FLT1: variants seen among roughly 807,000 people sequenced by gnomAD.
FLT1 encodes the protein fms related receptor tyrosine kinase 1, also known as vascular endothelial growth factor receptor 1.
In FLT1, 49 loss-of-function variants were observed where a neutral mutation model predicts 156.3. That is an observed-to-expected ratio of 0.31 (90% confidence interval 0.25 to 0.40). The LOEUF (loss-of-function observed/expected upper bound fraction) is 0.40. FLT1 is among the 10% of genes least tolerant of loss of function. The pLI is 1.00. For synonymous variants in FLT1, 594 were observed against 583.8 expected (o/e 1.02, Z -0.25); for missense variants, 1,322 against 1,637.2 (o/e 0.81, Z 3.32).
intron 10 of FLT1, among the ~76,000 whole-genome samples, chr13:28,425,689 C>T (rs1877295712): frequency 6.6e-6 from 1 of 152,016 alleles, no homozygotes; most frequent in South Asian, 2.1e-4. Flanking sequence ...AAAAATTCAA[C>T]TCTACACTTT....
At position 28,427,909 on chromosome 13, in the gene FLT1, C is replaced by A; in HGVS notation, c.1119G>T (p.Gly373=). The A allele has an allele frequency of 6.2e-7, 1 of 1,613,776 alleles. No homozygotes were observed. Among genetic ancestry groups the A allele is most frequent in the Non-Finnish European group, 8.5e-7 (1 of 1,179,768 alleles). Residue 373 remains glycine, a synonymous_variant, in exon 9 of 30, where the codon GGG becomes GGT. Coordinates refer to ENST00000282397, the MANE Select transcript of FLT1 (RefSeq NM_002019.4). ...GAGCAGATTTCTCAGTCGCAGGTAA[C>A]CCATCTTTTAACCTGTGGTTAAAAA... The part of the protein sequence containing the change: ...PSPEVVWLKD[G]LPATEKSARY...
chr13:28,402,235 G>T (rs1277708939), intron 11 of FLT1, among the ~76,000 whole-genome samples: 4 of 152,190 alleles, frequency 2.6e-5, no homozygotes, highest in African/African-American at 7.2e-5. Flanking sequence ...AGCATTGCTG[G>T]GCAGGCTACC....
At chr13:28,427,339 G>A (rs371321943) in intron 9 of FLT1, 21 bp from the exon 10 acceptor site, 288 of 1,612,866 alleles carry the variant, frequency 1.8e-4, no homozygotes, top group Non-Finnish European at 2.3e-4. Flanking sequence ...GATGAAGAAC[G>A]GGACAGAAGT....
chr13:28,433,710 C>T (rs772267672), intron 6 of FLT1, 109 bp downstream of exon 6: 2 of 1,038,740 alleles, frequency 1.9e-6, no homozygotes, highest in Non-Finnish European at 3.0e-6. Context: ...TTGACTAACA[C>T]TGCCACAGGA....
chr13:28,454,000 G>T (rs1398558289), intron 3 of FLT1, among the ~76,000 whole-genome samples: 1 of 152,100 alleles, frequency 6.6e-6, no homozygotes, highest in Non-Finnish European at 1.5e-5. Flanking sequence ...GACCTGAAAA[G>T]TGAGGAAGAG....
chr13:28,423,310 CTTCCTT>C, intron 10 of FLT1, among the ~76,000 whole-genome samples: 1 of 152,256 alleles, frequency 6.6e-6, no homozygotes, highest in East Asian at 1.9e-4. Context: ...TCCATTTACT[CTTCCTT>C]TTACTTTTGT....
chr13:28,473,729 AGAAGGAAGGAAG>A lies in FLT1; in HGVS notation c.65-6124_65-6113del, dbSNP rs1157781404. On this transcript the variant is annotated intron_variant, in intron 1 of 29. Transcript: ENST00000282397. ...AAGAAAGAAAGAAAGAAAGAAAGAA[AGAAGGAAGGAAG>A]GAAGGAAGGAAGGAAGGAAGGAAGG... Among the ~76,000 whole-genome samples the A allele has an allele frequency of 1.0e-3, 85 of 84,274 alleles. 4 individuals carry two copies. Among genetic ancestry groups the A allele is most frequent in the African/African-American group, 3.5e-3 (65 of 18,568 alleles). The allele number at this position is 84,274 out of a possible 152,430, so 55.3% of individuals were successfully genotyped here. A position where few individuals can be genotyped will look rare whatever the true frequency, so the allele number is the denominator to read the frequency against.
intron 16 of FLT1, 79 bp downstream of exon 16, chr13:28,345,362 ATTTG>A (rs1872525675): frequency 5.0e-6 from 4 of 807,864 alleles, no homozygotes; most frequent in Non-Finnish European, 8.5e-6. Flanking sequence ...AGGGTCCAAC[ATTTG>A]TTTGCCTACT....
At chr13:28,315,653 T>G (rs753425410) in intron 25 of FLT1, among the ~76,000 whole-genome samples, 65 of 152,386 alleles carry the variant, frequency 4.3e-4, no homozygotes, top group South Asian at 6.2e-4. Flanking sequence ...GTTTTGCATT[T>G]ATTTTGATGT....
In FLT1 at chr13:28,416,896, C is replaced by A. The variant is rs78656688; in HGVS notation, c.1436+10263G>T. ...AATGATGATGACAAGGCAAATGGAACATTAAAGACCTAAGAAATTGGAATA... is the reference window on the plus strand; with the variant it reads ...AATGATGATGACAAGGCAAATGGAAAATTAAAGACCTAAGAAATTGGAATA... On this transcript the variant is annotated intron_variant, in intron 10 of 29. Transcript: ENST00000282397. Among the ~76,000 whole-genome samples, 183 of 152,256 alleles carry A rather than the reference C, an allele frequency of 1.2e-3. 3 individuals are homozygous for A. The East Asian group carries it at 0.03, about 25-fold the overall frequency.
chr13:28,354,989 T>C (rs1299117207), intron 15 of FLT1, among the ~76,000 whole-genome samples: 2 of 152,196 alleles, frequency 1.3e-5, no homozygotes, highest in East Asian at 3.9e-4. Context: ...ATAACATTAA[T>C]GGGAAAAGGA....
At chr13:28,480,210 C>T (rs997151532) in intron 1 of FLT1, among the ~76,000 whole-genome samples, 7 of 152,170 alleles carry the variant, frequency 4.6e-5, no homozygotes, top group African/African-American at 1.7e-4. Flanking sequence ...CTCTATATGA[C>T]CCCTTTCTCT....
At chr13:28,433,501 T>C (rs1382805936) in intron 6 of FLT1, among the ~76,000 whole-genome samples, 1 of 152,214 alleles carries the variant, frequency 6.6e-6, no homozygotes, top group Non-Finnish European at 1.5e-5. Flanking sequence ...GATAAATTTC[T>C]CTCTCATCTC....
intron 25 of FLT1, among the ~76,000 whole-genome samples, chr13:28,312,547 T>C (rs549234875): frequency 3.3e-5 from 5 of 152,244 alleles, no homozygotes; most frequent in African/African-American, 1.2e-4. Flanking sequence ...TAAATATCAA[T>C]GGCTGAATAG....
chr13:28,428,055 T>C, intron 8 of FLT1, 134 bp from the exon 9 acceptor site: 1 of 742,346 alleles, frequency 1.3e-6, no homozygotes, highest in Admixed American at 2.1e-5. Flanking sequence ...ATTTTTAAAA[T>C]GTAGGCATTA....
chr13:28,444,606 G>A (rs1339313388), intron 3 of FLT1, among the ~76,000 whole-genome samples: 1 of 152,168 alleles, frequency 6.6e-6, no homozygotes, highest in African/African-American at 2.4e-5. Flanking sequence ...CTCCAAGATA[G>A]ACCATATGCT....
At chr13:28,367,499 G>A (rs770695623) in intron 14 of FLT1, among the ~76,000 whole-genome samples, 1 of 152,296 alleles carries the variant, frequency 6.6e-6, no homozygotes, top group Non-Finnish European at 1.5e-5. Flanking sequence ...TAATTTTCAA[G>A]GGACTCTGTA....
intron 3 of FLT1, among the ~76,000 whole-genome samples, chr13:28,453,102 CTTT>C (rs1879066956): frequency 1.6e-5 from 1 of 64,344 alleles, no homozygotes; most frequent in Admixed American, 2.0e-4. Flanking sequence ...CTTTCCTTTC[CTTT>C]CCTTTCCTTT....
At chr13:28,471,056 C>T (rs1224066548) in intron 1 of FLT1, among the ~76,000 whole-genome samples, 2 of 152,096 alleles carry the variant, frequency 1.3e-5, no homozygotes, top group East Asian at 3.9e-4. Flanking sequence ...CCACACTCCC[C>T]ATGCTGTCCC....
Sources: gnomAD v4.1 joint callset for allele counts (sites outside exome capture counted in the v4.1 genomes callset) on GRCh38, gnomAD v4.1.1 for gene constraint, MANE v1.5 for transcripts, NCBI Gene and HGNC (gene_info 2026-07-23, HGNC 2026-07-21) for gene names.